The following BIRC3 variants were observed in gnomAD, a reference collection of about 807,000 sequenced individuals.
The protein encoded by BIRC3 is baculoviral IAP repeat-containing protein 3.
A neutral mutation model predicts 59.0 loss-of-function variants in BIRC3; 26 were observed. That is an observed-to-expected ratio of 0.44 (90% CI 0.32 to 0.61). BIRC3 has a LOEUF of 0.61. BIRC3 is among the 20% of genes least tolerant of loss of function. The pLI is 0.04. For synonymous variants in BIRC3, 243 were observed against 249.2 expected, an observed-to-expected ratio of 0.98 and a Z score of 0.24; for missense variants, 641 against 711.5, an observed-to-expected ratio of 0.90 and a Z score of 1.13.
chr11:102,335,206 C>T (rs1033814269), intron 6 of BIRC3, among the ~76,000 whole-genome samples: 2 of 152,192 alleles, frequency 1.3e-5, no homozygotes, highest in African/African-American at 4.8e-5. Flanking sequence ...CGCACCACTG[C>T]ACTCCAGCCT....
At position 102,324,109 on chromosome 11, in the gene BIRC3, C is replaced by T. The variant is rs529834545; in HGVS notation, c.-401C>T. 4.5e-6 allele frequency: 1 copy of T among 221,352 alleles called. No individual in the cohort carries two copies. Among genetic ancestry groups the T allele is most frequent in the East Asian group, 6.7e-5 (1 of 14,904 alleles). The allele number at this position is 221,352 out of a possible 1,614,324, so 13.7% of individuals were successfully genotyped here. A position where few individuals can be genotyped will look rare whatever the true frequency, so the allele number is the denominator to read the frequency against. ...AAGAAGCTTCATGAGTCACACATTA[C>T]ATCTTTGGGTTGATTGAATGCCACT... On this transcript the variant is annotated 5_prime_UTR_variant, in exon 2 of 9. Transcript: ENST00000263464.
intron 1 of BIRC3, 149 bp downstream of exon 1, chr11:102,317,720 T>C (rs889613690): frequency 1.3e-5 from 2 of 152,562 alleles, no homozygotes; most frequent in East Asian, 3.8e-4. Context: ...CTGCAGAGGT[T>C]GAGAGTCAGT....
intron 1 of BIRC3, among the ~76,000 whole-genome samples, chr11:102,318,378 G>A (rs1354497659): frequency 6.6e-6 from 1 of 152,158 alleles, no homozygotes; most frequent in African/African-American, 2.4e-5. Flanking sequence ...ATCAATCACT[G>A]AGCTGACTCT....
At position 102,322,193 on chromosome 11, in the gene BIRC3, T is replaced by C. The variant is rs1018595185; in HGVS notation, c.-2317T>C. The C allele has an allele frequency of 9.7e-6, 2 of 206,552 alleles. No individual in the cohort carries two copies. The highest frequency in any genetic ancestry group is 2.0e-5 in the Non-Finnish European group (2 of 101,144). 12.8% of individuals were successfully genotyped at this position (206,552 alleles called of 1,614,324 possible). On this transcript the variant is annotated 5_prime_UTR_variant, in exon 2 of 9. Coordinates refer to ENST00000263464, the MANE Select transcript of BIRC3 (RefSeq NM_001165.5). ...ATTCTCCCATTATGTAGAATAGAAA[T>C]AGTACCTGTGTTTGGGAAAGATTTT...
chr11:102,335,998 G>C lies in BIRC3; in HGVS notation c.1357G>C (p.Ala453Pro). ...DLLLIRKNRM[A>P]LFQHLTCVIP... ...ATTATTAATCCGGAAGAATAGAATGGCACTTTTTCAACATTTGACTTGTGT... is the reference window on the plus strand; with the variant it reads ...ATTATTAATCCGGAAGAATAGAATGCCACTTTTTCAACATTTGACTTGTGT... Residue 453 changes from alanine to proline, a missense_variant, in exon 7 of 9, where the codon GCA becomes CCA. Physicochemically the swap from Ala to Pro is conservative, Grantham distance 27. Transcript: ENST00000263464. 6.2e-7 allele frequency: 1 copy of C among 1,610,656 alleles called. No individual in the cohort carries two copies. Among genetic ancestry groups the C allele is most frequent in the South Asian group, 1.1e-5 (1 of 90,228 alleles).
chr11:102,322,003 A>C lies in BIRC3; in HGVS notation c.-2507A>C, dbSNP rs1434287573. ...ATTAAGTATTAACTGGTGTTTTACT[A>C]TCCAAAGAATGCTAATTTTATAAAC... On this transcript the variant is annotated 5_prime_UTR_variant, in exon 2 of 9. Coordinates refer to ENST00000263464, the MANE Select transcript of BIRC3 (RefSeq NM_001165.5). 5.2e-6 allele frequency: 1 copy of C among 193,404 alleles called. No individual in the cohort carries two copies. The highest frequency in any genetic ancestry group is 1.9e-4 in the South Asian group (1 of 5,174). 12.0% of individuals were successfully genotyped at this position (193,404 alleles called of 1,614,324 possible). A position where few individuals can be genotyped will look rare whatever the true frequency, so the allele number is the denominator to read the frequency against.
intron 6 of BIRC3, among the ~76,000 whole-genome samples, chr11:102,335,719 T>C (rs1951188502): frequency 6.6e-6 from 1 of 152,224 alleles, no homozygotes; most frequent in East Asian, 1.9e-4. Flanking sequence ...AGGGCTCAAG[T>C]GATCCTCCTA....
intron 7 of BIRC3, 83 bp from the exon 8 acceptor site, chr11:102,336,677 A>G: frequency 7.6e-7 from 1 of 1,323,354 alleles, no homozygotes; most frequent in Non-Finnish European, 1.1e-6. Context: ...GCTATAGTCT[A>G]AAGTGTTCAT....
In BIRC3 at chr11:102,329,772, C is replaced by T. The variant is rs147741613; in HGVS notation, c.1081+827C>T. Reference sequence around the variant, plus strand: ...TGGACATAGGAAGGGGAACATCACACACAGGGCCTGTTGTGGGGTAGGGGG... The same window carrying T: ...TGGACATAGGAAGGGGAACATCACATACAGGGCCTGTTGTGGGGTAGGGGG... On this transcript the variant is annotated intron_variant, in intron 5 of 8. Coordinates refer to ENST00000263464, the MANE Select transcript of BIRC3 (RefSeq NM_001165.5). Among the ~76,000 whole-genome samples the T allele has an allele frequency of 1.6e-3, 236 of 152,190 alleles. 1 individual carries two copies. In the Middle Eastern group the frequency reaches 0.017, roughly 11 times the overall value.
Position 102,324,234 on chromosome 11 carries a change from G to T in BIRC3, c.-276G>T, listed in dbSNP as rs1161089664. ...AATACACATCACTCTTCTGTGAAGG[G>T]TTTTAATTTTCAACACAGCTTACTC... On this transcript the variant is annotated 5_prime_UTR_variant, in exon 2 of 9. Transcript: ENST00000263464. The T allele has an allele frequency of 1.9e-5, 6 of 313,016 alleles. No homozygotes were observed. In the East Asian group the frequency reaches 3.0e-4, roughly 16 times the overall value. The allele number at this position is 313,016 out of a possible 1,614,324, so 19.4% of individuals were successfully genotyped here. A position where few individuals can be genotyped will look rare whatever the true frequency, so the allele number is the denominator to read the frequency against.
chr11:102,328,252 T>C, intron 4 of BIRC3, 122 bp downstream of exon 4: 1 of 751,876 alleles, frequency 1.3e-6, no homozygotes, highest in Non-Finnish European at 2.2e-6. Context: ...TTCTTTTTCT[T>C]ATCAAACCTG....
intron 6 of BIRC3, among the ~76,000 whole-genome samples, chr11:102,332,860 T>G (rs1951158213): frequency 1.3e-5 from 2 of 152,312 alleles, no homozygotes; most frequent in Middle Eastern, 6.8e-3. Context: ...CTGTGAAGAT[T>G]AGGCAAGCAT....
At chr11:102,335,006 C>T (rs184866090) in intron 6 of BIRC3, among the ~76,000 whole-genome samples, 22 of 152,190 alleles carry the variant, frequency 1.4e-4, no homozygotes, top group African/African-American at 3.1e-4. Context: ...TTTTGGAGGC[C>T]GGAGTGGGCG....
chr11:102,330,855 T>C lies in BIRC3; in HGVS notation c.1082-144T>C, dbSNP rs1278767262. 3 of 784,294 alleles carry C rather than the reference T, an allele frequency of 3.8e-6. No individual in the cohort carries two copies. The African/African-American group carries it at 5.3e-5, about 14-fold the overall frequency. 48.6% of individuals were successfully genotyped at this position (784,294 alleles called of 1,614,324 possible). A position where few individuals can be genotyped will look rare whatever the true frequency, so the allele number is the denominator to read the frequency against. On this transcript the variant is annotated intron_variant, in intron 5 of 8. Coordinates refer to ENST00000263464, the MANE Select transcript of BIRC3 (RefSeq NM_001165.5). Reference sequence around the variant, plus strand: ...TATATCATTTTAAATTTAACAATGTTCATACAAAATAATGCCTATACATTT... The same window carrying C: ...TATATCATTTTAAATTTAACAATGTCCATACAAAATAATGCCTATACATTT...
chr11:102,329,053 A>T (rs1591522709), intron 5 of BIRC3, 108 bp downstream of exon 5: 1 of 595,476 alleles, frequency 1.7e-6, no homozygotes. Context: ...ATAATTTACG[A>T]TGAATGCATT....
chr11:102,324,732 A>G lies in BIRC3; in HGVS notation c.223A>G (p.Asn75Asp). 1.2e-6 allele frequency: 2 copies of G among 1,614,204 alleles called. No individual in the cohort carries two copies. Among genetic ancestry groups the G allele is most frequent in the Non-Finnish European group, 1.7e-6 (2 of 1,180,020 alleles). The change falls in exon 2 of 9, where the codon AAC (asparagine) becomes GAC (aspartate). Residue 75 changes from asparagine (N) to aspartate (D), a missense_variant. Coordinates refer to ENST00000263464, the MANE Select transcript of BIRC3 (RefSeq NM_001165.5). Reference protein sequence around the residue: ...KCFCCGLMLDNWKRGDSPTEK... With the variant: ...KCFCCGLMLDDWKRGDSPTEK... ...CTTCTGTTGTGGCCTGATGCTGGAT[A>G]ACTGGAAAAGAGGAGACAGTCCTAC...
intron 2 of BIRC3, 45 bp from the exon 3 acceptor site, chr11:102,325,421 G>A (rs1200652082): frequency 6.3e-7 from 1 of 1,593,870 alleles, no homozygotes. Flanking sequence ...ATTTTAGTGG[G>A]CAAATTATGT....
In BIRC3 at chr11:102,324,868, C is replaced by T. The variant is rs765259590; in HGVS notation, c.359C>T (p.Ser120Phe). Residue 120 changes from serine (S) to phenylalanine (F), a missense_variant, in exon 2 of 9, where the codon TCC becomes TTC. Coordinates refer to ENST00000263464, the MANE Select transcript of BIRC3 (RefSeq NM_001165.5). ...QPTFPSSVTN[S>F]THSLLPGTEN... Reference sequence around the variant, plus strand: ...ACTTTTCCTTCTTCAGTAACAAATTCCACACACTCATTACTTCCGGGTACA... The same window carrying T: ...ACTTTTCCTTCTTCAGTAACAAATTTCACACACTCATTACTTCCGGGTACA... 10 of 1,614,076 alleles carry T rather than the reference C, an allele frequency of 6.2e-6. No individual in the cohort carries two copies. Among genetic ancestry groups the T allele is most frequent in the Non-Finnish European group, 8.5e-6 (10 of 1,180,040 alleles).
In BIRC3 at chr11:102,337,556, T is replaced by G. The variant is rs1327032469; in HGVS notation, c.*454T>G. On this transcript the variant is annotated 3_prime_UTR_variant, in exon 9 of 9. Coordinates refer to ENST00000263464, the MANE Select transcript of BIRC3 (RefSeq NM_001165.5). ...CATCCTGGGCAGCATACTGAGACCC[T>G]GCCTTTAAAAACAAACAGAACAAAA... The G allele has an allele frequency of 5.2e-6, 2 of 385,356 alleles. No individual in the cohort carries two copies. The highest frequency in any genetic ancestry group is 9.2e-6 in the Non-Finnish European group (2 of 217,772). The allele number at this position is 385,356 out of a possible 1,614,324, so 23.9% of individuals were successfully genotyped here. A position where few individuals can be genotyped will look rare whatever the true frequency, so the allele number is the denominator to read the frequency against.
Sources: allele counts gnomAD v4.1 joint callset (sites outside exome capture counted in the v4.1 genomes callset), GRCh38; gene constraint gnomAD v4.1.1; transcripts MANE v1.5; gene names NCBI Gene and HGNC (gene_info 2026-07-23, HGNC 2026-07-21).